Variants in TXLNB observed in about 807,000 individuals in gnomAD.
TXLNB encodes the protein taxilin beta.
Under a neutral mutation model 57.4 loss-of-function variants are expected in TXLNB, and 37 were observed. The ratio of observed to expected loss-of-function variants is 0.64; its 90% CI spans 0.50 to 0.85. TXLNB has a LOEUF of 0.85. Ranked by LOEUF, TXLNB falls within the 40% of genes least tolerant of loss-of-function variation. The pLI is 0.00. For synonymous variants in TXLNB, 302 were observed against 309.6 expected, an observed-to-expected ratio of 0.98 and a Z score of 0.26; for missense variants, 848 against 825.6, an observed-to-expected ratio of 1.03 and a Z score of -0.33.
At chr6:139,316,173 G>C in the TXLNB span, among the ~76,000 whole-genome samples, 1 of 152,208 alleles carries the variant, frequency 6.6e-6, no homozygotes. Flanking sequence ...TCTGACAAGG[G>C]ACAAAGATTC....
the TXLNB span, among the ~76,000 whole-genome samples, chr6:139,304,557 G>A: frequency 6.6e-6 from 1 of 152,190 alleles, no homozygotes; most frequent in African/African-American, 2.4e-5. Flanking sequence ...CTGCTCATGT[G>A]AGCTGAAACA....
the TXLNB span, among the ~76,000 whole-genome samples, chr6:139,190,987 A>G: frequency 1.3e-5 from 2 of 152,158 alleles, no homozygotes; most frequent in Admixed American, 6.5e-5. Flanking sequence ...CTGTTTCCCA[A>G]TCCCTGTACT....
At chr6:139,206,049 T>A in the TXLNB span, among the ~76,000 whole-genome samples, 1 of 152,170 alleles carries the variant, frequency 6.6e-6, no homozygotes, top group Non-Finnish European at 1.5e-5. Flanking sequence ...ATAATTGTCA[T>A]CCAAGAATTT....
chr6:139,302,054 C>T, the TXLNB span, among the ~76,000 whole-genome samples: 2 of 151,570 alleles, frequency 1.3e-5, no homozygotes, highest in Non-Finnish European at 2.9e-5. Context: ...AACTACGATG[C>T]TTTATTGGGT....
the TXLNB span, among the ~76,000 whole-genome samples, chr6:139,224,215 A>G: frequency 6.7e-6 from 1 of 150,354 alleles, no homozygotes; most frequent in Non-Finnish European, 1.5e-5. Context: ...CAAACACTGC[A>G]TATTCTCACT....
chr6:139,323,282 G>GTTTTT, the TXLNB span, among the ~76,000 whole-genome samples: 2 of 134,494 alleles, frequency 1.5e-5, no homozygotes, highest in African/African-American at 2.8e-5. Flanking sequence ...AATTTGTTTA[G>GTTTTT]TTTTTTTTTT....
chr6:139,288,972 A>G, intron 1 of TXLNB, 59 bp from the exon 2 acceptor site: 4 of 1,264,872 alleles, frequency 3.2e-6, no homozygotes, highest in Non-Finnish European at 2.2e-6. Context: ...TATCAATGCT[A>G]CATTTCAATG....
At chr6:139,318,186 C>A in the TXLNB span, among the ~76,000 whole-genome samples, 4 of 145,496 alleles carry the variant, frequency 2.7e-5, no homozygotes, top group Non-Finnish European at 4.5e-5. Flanking sequence ...AGGAGAATGG[C>A]GTGAACCTGG....
At chr6:139,169,368 G>A in the TXLNB span, among the ~76,000 whole-genome samples, 5 of 151,714 alleles carry the variant, frequency 3.3e-5, no homozygotes, top group East Asian at 1.9e-4. Context: ...GTGTTTTTAC[G>A]GAGTTACAAA....
At chr6:139,243,492 C>CT (rs1161954954) in intron 9 of TXLNB, among the ~76,000 whole-genome samples, 178 bp from the exon 10 acceptor site, 45,093 of 128,000 alleles carry the variant, frequency 0.35, 9,397 homozygotes, top group African/African-American at 0.59. Flanking sequence ...CATCACTTTC[C>CT]TTTTTTTTTT....
intron 7 of TXLNB, among the ~76,000 whole-genome samples, chr6:139,252,118 A>G (rs536985218): frequency 6.6e-6 from 1 of 152,352 alleles, no homozygotes; most frequent in African/African-American, 2.4e-5. Flanking sequence ...TGAAAGCCAG[A>G]CATCGCTTCC....
At chr6:139,269,696 G>A (rs1176211923) in intron 4 of TXLNB, among the ~76,000 whole-genome samples, 9 of 152,106 alleles carry the variant, frequency 5.9e-5, no homozygotes, top group African/African-American at 1.9e-4. Flanking sequence ...AGGAACACTG[G>A]TGTCTGATTA....
the TXLNB span, among the ~76,000 whole-genome samples, chr6:139,164,740 C>A: frequency 6.6e-6 from 1 of 152,192 alleles, no homozygotes; most frequent in East Asian, 1.9e-4. Context: ...TTGTGTGACT[C>A]CCTGAAGCAC....
At chr6:139,305,440 A>AT in the TXLNB span, among the ~76,000 whole-genome samples, 14 of 151,574 alleles carry the variant, frequency 9.2e-5, no homozygotes, top group East Asian at 3.9e-4. Flanking sequence ...CATTAAAACA[A>AT]TTTTTTTTTG....
the TXLNB span, among the ~76,000 whole-genome samples, chr6:139,205,899 G>C: frequency 6.6e-6 from 1 of 152,098 alleles, no homozygotes; most frequent in Non-Finnish European, 1.5e-5. Flanking sequence ...TCAAGATGAA[G>C]GAAAGAATCT....
At chr6:139,180,499 T>C in the TXLNB span, 1 of 152,666 alleles carries the variant, frequency 6.6e-6, no homozygotes, top group East Asian at 1.9e-4. Flanking sequence ...TTTAGTGTTT[T>C]ATTTCCTATA....
At chr6:139,230,772 A>G in the TXLNB span, among the ~76,000 whole-genome samples, 1 of 152,348 alleles carries the variant, frequency 6.6e-6, no homozygotes, top group East Asian at 1.9e-4. Context: ...CAGAAGCCAA[A>G]AAAAGTGAGC....
chr6:139,186,307 G>A, the TXLNB span, among the ~76,000 whole-genome samples: 4 of 152,038 alleles, frequency 2.6e-5, no homozygotes, highest in African/African-American at 9.7e-5. Flanking sequence ...GCCACAGACT[G>A]GAAGAAAAGG....
chr6:139,280,433 G>C (rs1301779158), intron 2 of TXLNB, among the ~76,000 whole-genome samples: 1 of 152,070 alleles, frequency 6.6e-6, no homozygotes, highest in Non-Finnish European at 1.5e-5. Context: ...AATCACCAGA[G>C]GTCGGGAGAA....
Sources: gnomAD v4.1 joint callset for allele counts (sites outside exome capture counted in the v4.1 genomes callset) on GRCh38, gnomAD v4.1.1 for gene constraint, MANE v1.5 for transcripts, NCBI Gene and HGNC (gene_info 2026-07-23, HGNC 2026-07-21) for gene names.